The following SPINK8 variants were observed in gnomAD, a reference collection of about 807,000 sequenced individuals.
The protein encoded by SPINK8 is serine peptidase inhibitor Kazal type 8 (putative), also known as serine protease inhibitor Kazal-type 8.
SPINK8 carries 12 observed loss-of-function variants against 14.4 expected under a neutral mutation model. That is an observed-to-expected ratio of 0.83 (90% CI 0.53 to 1.35). The LOEUF is 1.35. Ranked by LOEUF, SPINK8 falls within the 40% of genes most tolerant of loss-of-function variation. The pLI is 0.00. For missense variants in SPINK8, 103 were observed against 117.0 expected (o/e 0.88, Z 0.55); for synonymous variants, 32 against 37.6 (o/e 0.85, Z 0.55).
chr3:48,325,035 C>T (rs1231130107), intron 4 of SPINK8, among the ~76,000 whole-genome samples: 1 of 152,152 alleles, frequency 6.6e-6, no homozygotes, highest in East Asian at 1.9e-4. Flanking sequence ...TTTATCATAA[C>T]ATGTCTCTCT....
chr3:48,312,822 C>G (rs2035938800), intron 6 of SPINK8, among the ~76,000 whole-genome samples: 1 of 151,904 alleles, frequency 6.6e-6, no homozygotes, highest in African/African-American at 2.4e-5. Context: ...CATGGTGAAA[C>G]CCCGTCTCCA....
At chr3:48,312,321 G>A (rs531806301) in intron 6 of SPINK8, among the ~76,000 whole-genome samples, 1 of 152,156 alleles carries the variant, frequency 6.6e-6, no homozygotes, top group Non-Finnish European at 1.5e-5. Flanking sequence ...ATAAAGCTGG[G>A]ACAACTGGAT....
At chr3:48,309,872 TAA>T in intron 7 of SPINK8, 30 bp downstream of exon 7, 1 of 1,448,710 alleles carries the variant, frequency 6.9e-7, no homozygotes, top group East Asian at 2.8e-5. Flanking sequence ...AGTTTACTTC[TAA>T]AAATAAAAAA....
chr3:48,308,272 C>T (rs1362586057), intron 7 of SPINK8, among the ~76,000 whole-genome samples: 1 of 151,996 alleles, frequency 6.6e-6, no homozygotes, highest in African/African-American at 2.4e-5. Context: ...CCGTGCCTGG[C>T]CCAGTCTGCA....
chr3:48,307,160 G>A (rs1046656039), intron 7 of SPINK8, among the ~76,000 whole-genome samples, 157 bp from the exon 8 acceptor site: 1 of 152,168 alleles, frequency 6.6e-6, no homozygotes, highest in Non-Finnish European at 1.5e-5. Flanking sequence ...CACTGGAGAA[G>A]GAAAAAGCAG....
intron 2 of SPINK8, among the ~76,000 whole-genome samples, chr3:48,331,133 G>T: frequency 6.6e-6 from 1 of 152,182 alleles, no homozygotes; most frequent in Non-Finnish European, 1.5e-5. Flanking sequence ...GGAGGTTAAA[G>T]ATACAGGGAT....
chr3:48,316,915 T>C (rs1459800455), intron 6 of SPINK8, among the ~76,000 whole-genome samples: 1 of 152,242 alleles, frequency 6.6e-6, no homozygotes, highest in Non-Finnish European at 1.5e-5. Context: ...AATTTGTTGC[T>C]AGCAGACCTA....
At chr3:48,327,360 T>C (rs1292823907) in intron 4 of SPINK8, among the ~76,000 whole-genome samples, 1 of 152,210 alleles carries the variant, frequency 6.6e-6, no homozygotes, top group African/African-American at 2.4e-5. Flanking sequence ...TAGTCACTGG[T>C]TATGGGCATA....
intron 4 of SPINK8, among the ~76,000 whole-genome samples, chr3:48,326,594 G>A (rs1028336558): frequency 2.2e-4 from 33 of 150,690 alleles, no homozygotes; most frequent in Admixed American, 3.3e-4. Flanking sequence ...GTGGCTGAGG[G>A]AGACTCTGTC....
chr3:48,323,413 A>G (rs2036101274), intron 4 of SPINK8, among the ~76,000 whole-genome samples: 2 of 152,124 alleles, frequency 1.3e-5, no homozygotes, highest in South Asian at 4.1e-4. Flanking sequence ...TGGTATCTTT[A>G]TTGGTATCAT....
intron 4 of SPINK8, among the ~76,000 whole-genome samples, chr3:48,321,324 C>T (rs192315488): frequency 1.3e-5 from 2 of 152,098 alleles, no homozygotes; most frequent in Admixed American, 6.5e-5. Context: ...TTCTGTAATC[C>T]TTGTCAGTTT....
intron 7 of SPINK8, among the ~76,000 whole-genome samples, chr3:48,308,264 G>C (rs1042365236): frequency 6.6e-6 from 1 of 151,952 alleles, no homozygotes; most frequent in Admixed American, 6.6e-5. Flanking sequence ...ATGAGCCACC[G>C]TGCCTGGCCC....
intron 6 of SPINK8, among the ~76,000 whole-genome samples, chr3:48,317,635 C>T (rs2036011058): frequency 6.6e-6 from 1 of 151,556 alleles, no homozygotes; most frequent in Non-Finnish European, 1.5e-5. Context: ...CCTGCCTGAG[C>T]CTCCTGAGTA....
At chr3:48,307,130 G>C in intron 7 of SPINK8, 127 bp from the exon 8 acceptor site, 1 of 907,728 alleles carries the variant, frequency 1.1e-6, no homozygotes, top group South Asian at 1.7e-5. Flanking sequence ...AATTAAGGCA[G>C]GTTAGAGACA....
At chr3:48,323,287 G>A (rs2107104001) in intron 4 of SPINK8, among the ~76,000 whole-genome samples, 1 of 152,112 alleles carries the variant, frequency 6.6e-6, no homozygotes, top group African/African-American at 2.4e-5. Context: ...TGGGATTACA[G>A]GTGTGCACCA....
At chr3:48,317,684 T>G (rs1045200130) in intron 6 of SPINK8, among the ~76,000 whole-genome samples, 1 of 151,282 alleles carries the variant, frequency 6.6e-6, no homozygotes, top group African/African-American at 2.4e-5. Context: ...TCTGGCTAAT[T>G]TTTTGTATTT....
chr3:48,329,098 C>G (rs181701301), intron 3 of SPINK8, among the ~76,000 whole-genome samples, 55 bp downstream of exon 3: 2 of 152,088 alleles, frequency 1.3e-5, no homozygotes. Context: ...AGGAAAAAAC[C>G]AAGTAATAAA....
chr3:48,311,425 C>A (rs2035923859), intron 6 of SPINK8, among the ~76,000 whole-genome samples: 1 of 151,906 alleles, frequency 6.6e-6, no homozygotes, highest in South Asian at 2.1e-4. Context: ...AAAAGGCATC[C>A]AAATTGGAAA....
chr3:48,311,464 G>A (rs940294174), intron 6 of SPINK8, among the ~76,000 whole-genome samples: 2 of 152,154 alleles, frequency 1.3e-5, no homozygotes, highest in African/African-American at 4.8e-5. Context: ...TCTATTCAAA[G>A]ATGATATGAT....
Sources: allele counts gnomAD v4.1 joint callset (sites outside exome capture counted in the v4.1 genomes callset), GRCh38; gene constraint gnomAD v4.1.1; transcripts MANE v1.5; gene names NCBI Gene and HGNC (gene_info 2026-07-23, HGNC 2026-07-21).